Variants in ATRNL1 observed in about 807,000 individuals in gnomAD.
ATRNL1 encodes the protein attractin-like protein 1.
Under a neutral mutation model 182.7 loss-of-function variants are expected in ATRNL1, and 95 were observed. That is an observed-to-expected ratio of 0.52 (90% CI 0.44 to 0.62). The LOEUF (loss-of-function observed/expected upper bound fraction) is 0.62. ATRNL1 is among the 20% of genes least tolerant of loss of function. The pLI, the probability that ATRNL1 is intolerant of heterozygous loss-of-function variation, is 0.00. For synonymous variants in ATRNL1, 576 were observed against 568.3 expected (o/e 1.01, Z -0.19); for missense variants, 1,471 against 1,679.5 (o/e 0.88, Z 2.17).
intron 14 of ATRNL1, among the ~76,000 whole-genome samples, chr10:115,281,930 A>T (rs950573269): frequency 6.8e-6 from 1 of 147,768 alleles, no homozygotes; most frequent in African/African-American, 2.5e-5. Flanking sequence ...ATTATATATT[A>T]TATATTTTGC....
intron 19 of ATRNL1, among the ~76,000 whole-genome samples, chr10:115,390,393 G>A (rs1263927173): frequency 1.3e-5 from 2 of 151,986 alleles, no homozygotes; most frequent in African/African-American, 2.4e-5. Flanking sequence ...TCATTATTTT[G>A]CATGTGAATA....
At chr10:115,899,081 A>G (rs181957373) in intron 28 of ATRNL1, among the ~76,000 whole-genome samples, 2 of 151,886 alleles carry the variant, frequency 1.3e-5, no homozygotes, top group South Asian at 2.1e-4. Flanking sequence ...TACATTAGGT[A>G]TATCTCCTAA....
intron 19 of ATRNL1, among the ~76,000 whole-genome samples, chr10:115,353,417 TATTTC>T (rs561069209): frequency 6.6e-6 from 1 of 152,214 alleles, no homozygotes; most frequent in Non-Finnish European, 1.5e-5. Flanking sequence ...TTGCATGGAA[TATTTC>T]ATTTCATTTC....
intron 27 of ATRNL1, among the ~76,000 whole-genome samples, chr10:115,810,031 A>AT (rs1409108876): frequency 6.6e-6 from 1 of 151,742 alleles, no homozygotes; most frequent in Non-Finnish European, 1.5e-5. Context: ...TATTTTTCTT[A>AT]TTTTTTGAGA....
intron 27 of ATRNL1, among the ~76,000 whole-genome samples, chr10:115,810,672 A>G (rs1206103039): frequency 2.6e-5 from 4 of 151,994 alleles, no homozygotes; most frequent in Admixed American, 1.3e-4. Flanking sequence ...AATAAATTCT[A>G]TATCTTTAGT....
intron 24 of ATRNL1, among the ~76,000 whole-genome samples, chr10:115,478,618 C>T (rs1017387465): frequency 1.1e-4 from 16 of 151,544 alleles, no homozygotes; most frequent in Non-Finnish European, 2.2e-4. Flanking sequence ...TATAATGTAA[C>T]GTAATCAAGG....
intron 24 of ATRNL1, among the ~76,000 whole-genome samples, chr10:115,482,187 T>TA (rs1554974296): frequency 1.3e-5 from 2 of 151,096 alleles, no homozygotes; most frequent in African/African-American, 4.8e-5. Flanking sequence ...TATATAATGT[T>TA]ACTAGAATCA....
chr10:115,159,858 A>G (rs1264798), intron 5 of ATRNL1, among the ~76,000 whole-genome samples, 182 bp from the exon 6 acceptor site: 106,921 of 151,404 alleles, frequency 0.71, 38,605 homozygotes, highest in African/African-American at 0.76. Flanking sequence ...GACTTTTTTC[A>G]CCTCTAAGCA....
At chr10:115,736,318 C>T (rs1266927205) in intron 27 of ATRNL1, among the ~76,000 whole-genome samples, 1 of 151,918 alleles carries the variant, frequency 6.6e-6, no homozygotes, top group Non-Finnish European at 1.5e-5. Flanking sequence ...CTACTATGTC[C>T]ATTTGGATTA....
chr10:115,236,733 G>C (rs1850201847), intron 9 of ATRNL1, among the ~76,000 whole-genome samples: 1 of 151,848 alleles, frequency 6.6e-6, no homozygotes, highest in African/African-American at 2.4e-5. Flanking sequence ...ACAGTCAGTG[G>C]GTCAATGTTG....
intron 1 of ATRNL1, among the ~76,000 whole-genome samples, chr10:115,113,684 CCAG>C (rs1844355491): frequency 6.6e-6 from 1 of 152,184 alleles, no homozygotes; most frequent in Non-Finnish European, 1.5e-5. Context: ...TGCATGCTCC[CCAG>C]CCACGTGGAA....
chr10:115,149,160 T>C (rs932734598), intron 5 of ATRNL1, among the ~76,000 whole-genome samples: 1 of 152,122 alleles, frequency 6.6e-6, no homozygotes, highest in African/African-American at 2.4e-5. Context: ...ACCCTAATCT[T>C]TTATTACGCA....
At chr10:115,403,257 C>CAT (rs782077494) in intron 20 of ATRNL1, among the ~76,000 whole-genome samples, 1 of 107,470 alleles carries the variant, frequency 9.3e-6, no homozygotes, top group Non-Finnish European at 1.7e-5. Context: ...TTACTCTCAT[C>CAT]TTTTTTTTTT....
chr10:115,536,052 G>T (rs542769158), intron 25 of ATRNL1, among the ~76,000 whole-genome samples: 86 of 152,138 alleles, frequency 5.7e-4, no homozygotes, highest in African/African-American at 2.0e-3. Context: ...CTTCTCGGGG[G>T]TCAGGGGTCA....
intron 21 of ATRNL1, among the ~76,000 whole-genome samples, chr10:115,431,128 C>G (rs1846140374): frequency 6.6e-6 from 1 of 152,060 alleles, no homozygotes; most frequent in Non-Finnish European, 1.5e-5. Flanking sequence ...AATATTCTGC[C>G]AGGCACAGTG....
intron 13 of ATRNL1, among the ~76,000 whole-genome samples, chr10:115,276,497 G>C (rs912800630): frequency 2.6e-5 from 4 of 152,196 alleles, no homozygotes; most frequent in Admixed American, 6.5e-5. Context: ...TAGTGTAAGA[G>C]AGCAGATGGT....
intron 26 of ATRNL1, among the ~76,000 whole-genome samples, chr10:115,675,535 C>G (rs1453429474): frequency 1.3e-5 from 2 of 152,116 alleles, no homozygotes; most frequent in South Asian, 2.1e-4. Flanking sequence ...TCTTGCTTGT[C>G]TAGAAATACA....
chr10:115,623,779 A>C (rs1857923523), intron 26 of ATRNL1, among the ~76,000 whole-genome samples: 1 of 152,134 alleles, frequency 6.6e-6, no homozygotes, highest in Non-Finnish European at 1.5e-5. Flanking sequence ...TAGGTTTGAA[A>C]AGGTAGACGT....
intron 17 of ATRNL1, among the ~76,000 whole-genome samples, chr10:115,313,550 G>A (rs1275322370): frequency 2.0e-5 from 3 of 152,002 alleles, no homozygotes; most frequent in African/African-American, 7.3e-5. Context: ...CGCCAGTGGC[G>A]TGTACTTATT....
Sources: gnomAD v4.1 joint callset for allele counts (sites outside exome capture counted in the v4.1 genomes callset) on GRCh38, gnomAD v4.1.1 for gene constraint, MANE v1.5 for transcripts, NCBI Gene and HGNC (gene_info 2026-07-23, HGNC 2026-07-21) for gene names.